Variants in AQP11 observed in about 807,000 individuals in gnomAD.
The protein encoded by AQP11 is aquaporin-11.
AQP11 carries 20 observed loss-of-function variants against 21.1 expected under a neutral mutation model. The ratio of observed to expected loss-of-function variants is 0.95; its 90% CI spans 0.67 to 1.38. The LOEUF (loss-of-function observed/expected upper bound fraction) is 1.38, where lower values mean the gene tolerates loss of function less well. Among genes scored for constraint, AQP11 ranks in the 40% most tolerant of loss-of-function variants. The pLI, the probability that AQP11 is intolerant of heterozygous loss-of-function variation, is 0.00. For missense variants in AQP11, 339 were observed against 340.4 expected (o/e 1.00, Z 0.03); for synonymous variants, 167 against 150.1 (o/e 1.11, Z -0.82).
chr11:77,603,885 C>A (rs1958829700), intron 2 of AQP11, among the ~76,000 whole-genome samples: 1 of 151,960 alleles, frequency 6.6e-6, no homozygotes, highest in African/African-American at 2.4e-5. Flanking sequence ...CTTTAAGAAA[C>A]CTTAGATCTG....
At chr11:77,608,563 A>G (rs1016099730) in intron 2 of AQP11, among the ~76,000 whole-genome samples, 1 of 152,236 alleles carries the variant, frequency 6.6e-6, no homozygotes, top group African/African-American at 2.4e-5. Flanking sequence ...CAGTGAGCCA[A>G]GATCACACCA....
chr11:77,597,369 C>G, intron 1 of AQP11, among the ~76,000 whole-genome samples: 1 of 152,128 alleles, frequency 6.6e-6, no homozygotes, highest in East Asian at 1.9e-4. Context: ...GCCAGGAGTT[C>G]GAGACCAGCC....
Position 77,603,547 on chromosome 11 carries a change from C to A in AQP11, c.620-9C>A. 1 of 1,551,662 alleles carries A rather than the reference C, an allele frequency of 6.4e-7. No individual in the cohort carries two copies. Among genetic ancestry groups the A allele is most frequent in the Non-Finnish European group, 8.7e-7 (1 of 1,145,050 alleles). On this transcript the variant is annotated splice_polypyrimidine_tract_variant and intron_variant, in intron 1 of 2. Coordinates refer to ENST00000313578, the MANE Select transcript of AQP11 (RefSeq NM_173039.3). Reference sequence around the variant, plus strand: ...CATTTGAAATCACTCTGCTTAAAATCTGTTACAGGAGGAAGTCTAACAGGA... The same window carrying A: ...CATTTGAAATCACTCTGCTTAAAATATGTTACAGGAGGAAGTCTAACAGGA...
chr11:77,590,362 C>T lies in AQP11; in HGVS notation c.370C>T (p.Gln124Ter). The change falls in exon 1 of 3, where the codon CAG (glutamine) becomes TAG (stop). Residue 124 changes from glutamine to a stop codon, truncating the protein, a stop_gained. Transcript: ENST00000313578. LOFTEE classifies it high-confidence loss of function. ...GACGGGTGCGGTGAGGCTATTGGCT[C>T]AGCTGGTTAGTGCCCTGTGCAGCAG... ...PETGAVRLLA[Q>*]LVSALCSRYC... The T allele has an allele frequency of 6.2e-7, 1 of 1,613,202 alleles. No homozygotes were observed. The highest frequency in any genetic ancestry group is 1.3e-5 in the African/African-American group (1 of 74,988).
chr11:77,594,048 G>A (rs576852659), intron 1 of AQP11, among the ~76,000 whole-genome samples: 1 of 152,268 alleles, frequency 6.6e-6, no homozygotes, highest in East Asian at 1.9e-4. Flanking sequence ...GAGTTACCAG[G>A]GACTGTGGGG....
intron 2 of AQP11, among the ~76,000 whole-genome samples, chr11:77,605,332 A>G (rs58608947): frequency 0.17 from 26,181 of 152,176 alleles, 2,811 homozygotes; most frequent in African/African-American, 0.28. Context: ...TCTGGAGACT[A>G]ACATATATTA....
Position 77,610,282 on chromosome 11 carries a change from C to T in AQP11, c.*905C>T, listed in dbSNP as rs543689440. Reference sequence around the variant, plus strand: ...CAAGGGTTCATAGAAACATTAAATACTTTATAATAACGTTAAAACTTGTTT... The same window carrying T: ...CAAGGGTTCATAGAAACATTAAATATTTTATAATAACGTTAAAACTTGTTT... On this transcript the variant is annotated 3_prime_UTR_variant, in exon 3 of 3. Transcript: ENST00000313578. 22 of 152,250 alleles carry T rather than the reference C, an allele frequency of 1.4e-4. No individual in the cohort carries two copies. The highest frequency in any genetic ancestry group is 5.1e-4 in the African/African-American group (21 of 41,540). 9.4% of individuals were successfully genotyped at this position (152,250 alleles called of 1,614,324 possible).
intron 1 of AQP11, among the ~76,000 whole-genome samples, chr11:77,599,007 G>A (rs748119929): frequency 5.9e-5 from 9 of 152,038 alleles, no homozygotes; most frequent in Non-Finnish European, 1.3e-4. Flanking sequence ...TCAGCCTCCC[G>A]AGTAGCTGGG....
rs1177016504 is a variant in AQP11 at position 77,606,029 on chromosome 11, C to A, written c.736+2357C>A. Among the ~76,000 whole-genome samples, 6 of 100,378 alleles carry A rather than the reference C, an allele frequency of 6.0e-5. No individual in the cohort carries two copies. The Admixed American group carries it at 6.5e-4, about 11-fold the overall frequency. 65.9% of individuals were successfully genotyped at this position (100,378 alleles called of 152,430 possible). A position where few individuals can be genotyped will look rare whatever the true frequency, so the allele number is the denominator to read the frequency against. ...CTGCACTCTAGCCTGGGCGACAGAG[C>A]GAGTCTCAAAAAAAAAAAAAAAAAA... On this transcript the variant is annotated intron_variant, in intron 2 of 2. Transcript: ENST00000313578.
At position 77,609,339 on chromosome 11, in the gene AQP11, T is replaced by C. The variant is rs201572659; in HGVS notation, c.778T>C (p.Trp260Arg). Residue 260 changes from tryptophan to arginine, a missense_variant, in exon 3 of 3, where the codon TGG becomes CGG. Coordinates refer to ENST00000313578, the MANE Select transcript of AQP11 (RefSeq NM_173039.3). ...MILMFSFFLP[W>R]LHNNHTINKK... The stretch of plus-strand genomic sequence containing the variant: ...TTTGATGTTCAGCTTTTTCCTTCCA[T>C]GGCTGCATAACAACCATACAATTAA... 6.2e-7 allele frequency: 1 copy of C among 1,613,494 alleles called. No homozygotes were observed. Among genetic ancestry groups the C allele is most frequent in the African/African-American group, 1.3e-5 (1 of 75,032 alleles).
rs1054465622 is a variant in AQP11, at chr11:77,590,602, G to A, written c.610G>A (p.Val204Ile). ...GCTGGCTGCACTCATCACCTTTTTG[G>A]TCTATGCAGGTTTGTCATTCTCACC... is the stretch of plus-strand genomic sequence containing the variant. ...HLLAALITFL[V>I]YAGGSLTGAV... Residue 204 changes from valine to isoleucine, a missense_variant, in exon 1 of 3, where the codon GTC becomes ATC. Physicochemically the swap from Val to Ile is conservative, Grantham distance 29. Coordinates refer to ENST00000313578, the MANE Select transcript of AQP11 (RefSeq NM_173039.3). The A allele has an allele frequency of 6.2e-7, 1 of 1,613,208 alleles. No homozygotes were observed. The highest frequency in any genetic ancestry group is 8.5e-7 in the Non-Finnish European group (1 of 1,179,594).
In AQP11 at chr11:77,609,293, T is replaced by C. The variant is rs771110758; in HGVS notation, c.737-5T>C. The C allele has an allele frequency of 6.2e-7, 1 of 1,609,472 alleles. No homozygotes were observed. The highest frequency in any genetic ancestry group is 8.5e-7 in the Non-Finnish European group (1 of 1,177,246). On this transcript the variant is annotated splice_polypyrimidine_tract_variant and splice_region_variant and intron_variant, in intron 2 of 2. Coordinates refer to ENST00000313578, the MANE Select transcript of AQP11 (RefSeq NM_173039.3). ...TTTTTTATTTTACTGTATTTTGTCT[T>C]TCAGGTATATTGTTGATGATTTTGA...
intron 1 of AQP11, among the ~76,000 whole-genome samples, chr11:77,599,565 T>G (rs924834829): frequency 6.6e-6 from 1 of 151,830 alleles, no homozygotes; most frequent in African/African-American, 2.4e-5. Flanking sequence ...ATTATAGGCG[T>G]GAGGCACCAT....
In AQP11 at chr11:77,610,287, T is replaced by C. The variant is rs1284202899; in HGVS notation, c.*910T>C. Reference sequence around the variant, plus strand: ...GTTCATAGAAACATTAAATACTTTATAATAACGTTAAAACTTGTTTAGAAA... The same window carrying C: ...GTTCATAGAAACATTAAATACTTTACAATAACGTTAAAACTTGTTTAGAAA... On this transcript the variant is annotated 3_prime_UTR_variant, in exon 3 of 3. Coordinates refer to ENST00000313578, the MANE Select transcript of AQP11 (RefSeq NM_173039.3). 1 of 152,236 alleles carries C rather than the reference T, an allele frequency of 6.6e-6. No homozygotes were observed. The highest frequency in any genetic ancestry group is 2.4e-5 in the African/African-American group (1 of 41,466). The allele number at this position is 152,236 out of a possible 1,614,324, so 9.4% of individuals were successfully genotyped here. A position where few individuals can be genotyped will look rare whatever the true frequency, so the allele number is the denominator to read the frequency against.
In AQP11 at chr11:77,590,368, G is replaced by T; in HGVS notation, c.376G>T (p.Val126Phe). 6.2e-7 allele frequency: 1 copy of T among 1,613,866 alleles called. No individual in the cohort carries two copies. Among genetic ancestry groups the T allele is most frequent in the African/African-American group, 1.3e-5 (1 of 75,028 alleles). ...TGCGGTGAGGCTATTGGCTCAGCTG[G>T]TTAGTGCCCTGTGCAGCAGGTACTG... ...TGAVRLLAQL[V>F]SALCSRYCTS... Residue 126 changes from valine to phenylalanine, a missense_variant, in exon 1 of 3, where the codon GTT (valine) becomes TTT (phenylalanine). Physicochemically the swap from Val to Phe is conservative, Grantham distance 50 (BLOSUM62 -1). Transcript: ENST00000313578.
At chr11:77,592,453 A>G (rs1206257203) in intron 1 of AQP11, among the ~76,000 whole-genome samples, 2 of 152,228 alleles carry the variant, frequency 1.3e-5, no homozygotes, top group African/African-American at 4.8e-5. Context: ...TTCTACAATT[A>G]AAAGCAGTAA....
At position 77,591,964 on chromosome 11, in the gene AQP11, T is replaced by G. The variant is rs1202554056; in HGVS notation, c.619+1353T>G. Among the ~76,000 whole-genome samples, 5 of 147,804 alleles carry G rather than the reference T, an allele frequency of 3.4e-5. No individual in the cohort carries two copies. In the East Asian group the frequency reaches 1.0e-3, roughly 31 times the overall value. On this transcript the variant is annotated intron_variant, in intron 1 of 2. Coordinates refer to ENST00000313578, the MANE Select transcript of AQP11 (RefSeq NM_173039.3). ...TTAAGTAGACATAAATGGAAATAAG[T>G]GGTATAGAAGAGTGAAGGGGGCCGG...
intron 1 of AQP11, among the ~76,000 whole-genome samples, chr11:77,597,898 C>T (rs991805221): frequency 3.3e-5 from 5 of 152,010 alleles, no homozygotes; most frequent in East Asian, 2.0e-4. Context: ...GGATCATAGG[C>T]GCGCTGTAAT....
chr11:77,595,944 C>T (rs973263585), intron 1 of AQP11, among the ~76,000 whole-genome samples: 11 of 151,248 alleles, frequency 7.3e-5, no homozygotes, highest in Non-Finnish European at 2.9e-5. Flanking sequence ...CAGAGCAAGA[C>T]TCAGTGTCAA....
Sources: gnomAD v4.1 joint callset for allele counts (sites outside exome capture counted in the v4.1 genomes callset) on GRCh38, gnomAD v4.1.1 for gene constraint, MANE v1.5 for transcripts, NCBI Gene and HGNC (gene_info 2026-07-23, HGNC 2026-07-21) for gene names.